SNTG2: variants seen among roughly 807,000 people sequenced by gnomAD.
SNTG2 encodes syntrophin gamma 2, also known as gamma-2-syntrophin.
SNTG2 carries 74 observed loss-of-function variants against 70.9 expected under a neutral mutation model. The observed-to-expected ratio is 1.04, with a 90% CI of 0.86 to 1.27. The LOEUF is 1.27. SNTG2 is among the 50% of genes most tolerant of loss of function. SNTG2 has a pLI of 0.00. For missense variants in SNTG2, 717 were observed against 690.7 expected (o/e 1.04, Z -0.43); for synonymous variants, 278 against 273.8 (o/e 1.02, Z -0.15).
rs762137698 is a variant in SNTG2 at position 1,237,960 on chromosome 2, T to G, written c.792T>G (p.Asp264Glu). The G allele has an allele frequency of 6.2e-7, 1 of 1,609,872 alleles. No homozygotes were observed. Among genetic ancestry groups the G allele is most frequent in the South Asian group, 1.1e-5 (1 of 89,622 alleles). ...TCCTCCGGTTTTACACAGCCCAGGA[T>G]GGCACCGACTGGCTGCGGGCGGTCT... is the stretch of plus-strand genomic sequence containing the variant. ...SGILRFYTAQDGTDWLRAVSA... is the reference protein window; with the variant it reads ...SGILRFYTAQEGTDWLRAVSA... The change falls in exon 10 of 17, where the codon GAT becomes GAG. Residue 264 changes from aspartate to glutamate, a missense_variant. Coordinates refer to ENST00000308624, the MANE Select transcript of SNTG2 (RefSeq NM_018968.4).
intron 8 of SNTG2, among the ~76,000 whole-genome samples, chr2:1,196,578 T>C (rs1354900147): frequency 6.6e-6 from 1 of 152,054 alleles, no homozygotes; most frequent in South Asian, 2.1e-4. Context: ...TATAGTATGG[T>C]CAAACTGTCA....
At chr2:1,286,117 T>C (rs1169447712) in intron 14 of SNTG2, among the ~76,000 whole-genome samples, 3 of 152,188 alleles carry the variant, frequency 2.0e-5, no homozygotes, top group Non-Finnish European at 4.4e-5. Flanking sequence ...GAATTGTCCT[T>C]GTGTTTCCTG....
intron 16 of SNTG2, among the ~76,000 whole-genome samples, chr2:1,355,834 T>C (rs1437222095): frequency 6.6e-6 from 1 of 152,226 alleles, no homozygotes; most frequent in Non-Finnish European, 1.5e-5. Flanking sequence ...CTCCACACCG[T>C]TGTCAACACG....
intron 1 of SNTG2, among the ~76,000 whole-genome samples, chr2:1,028,738 CTTT>C (rs71392557): frequency 6.7e-4 from 97 of 145,100 alleles, no homozygotes; most frequent in Non-Finnish European, 6.3e-4. Context: ...AGGCAACCTC[CTTT>C]TTTTTTTTTT....
chr2:1,064,215 A>C (rs997587338), intron 1 of SNTG2, among the ~76,000 whole-genome samples: 1 of 152,152 alleles, frequency 6.6e-6, no homozygotes, highest in African/African-American at 2.4e-5. Flanking sequence ...CGTGTATTAG[A>C]GATCCATTCA....
At chr2:1,366,670 C>T (rs967076251) in intron 16 of SNTG2, among the ~76,000 whole-genome samples, 1 of 152,188 alleles carries the variant, frequency 6.6e-6, no homozygotes, top group South Asian at 2.1e-4. Context: ...CCTCGCTTCC[C>T]GCCGTGCTGT....
At chr2:1,001,159 A>G (rs1659381877) in intron 1 of SNTG2, among the ~76,000 whole-genome samples, 2 of 152,068 alleles carry the variant, frequency 1.3e-5, no homozygotes, top group Non-Finnish European at 2.9e-5. Flanking sequence ...CACAGTCAAC[A>G]TCATACTGAA....
intron 8 of SNTG2, among the ~76,000 whole-genome samples, chr2:1,197,031 CAATG>C (rs1427821695): frequency 3.9e-5 from 6 of 151,918 alleles, no homozygotes; most frequent in Admixed American, 3.3e-4. Context: ...CAATGATAAA[CAATG>C]AGAGAGAAAG....
chr2:1,207,584 G>A (rs1673718986), intron 8 of SNTG2, among the ~76,000 whole-genome samples: 1 of 152,336 alleles, frequency 6.6e-6, no homozygotes, highest in African/African-American at 2.4e-5. Context: ...AGGTGGAGGA[G>A]AATGAGAAGG....
intron 1 of SNTG2, among the ~76,000 whole-genome samples, chr2:990,431 C>T (rs1308520721): frequency 6.6e-6 from 1 of 152,180 alleles, no homozygotes; most frequent in African/African-American, 2.4e-5. Flanking sequence ...TGATGAGGGC[C>T]TGCTTCTGGG....
At chr2:986,166 G>A (rs1035293061) in intron 1 of SNTG2, among the ~76,000 whole-genome samples, 3 of 151,058 alleles carry the variant, frequency 2.0e-5, no homozygotes, top group Admixed American at 6.6e-5. Context: ...GTCTTGCATG[G>A]GGGGCTGGGG....
intron 14 of SNTG2, among the ~76,000 whole-genome samples, chr2:1,305,012 T>C (rs2148241845): frequency 6.6e-6 from 1 of 152,286 alleles, no homozygotes; most frequent in East Asian, 1.9e-4. Flanking sequence ...AACTTTTTTT[T>C]TTTTCTTGAA....
chr2:1,069,134 C>T (rs956131575), intron 1 of SNTG2, among the ~76,000 whole-genome samples: 1 of 151,690 alleles, frequency 6.6e-6, no homozygotes, highest in Non-Finnish European at 1.5e-5. Context: ...GAGTCATAAA[C>T]AACAAGTCTA....
At chr2:1,263,024 C>T (rs372043283) in intron 13 of SNTG2, 3 of 152,282 alleles carry the variant, frequency 2.0e-5, no homozygotes, top group African/African-American at 4.8e-5. Flanking sequence ...ATTAATTTTC[C>T]TTTTGTAGAA....
intron 4 of SNTG2, chr2:1,102,428 G>A (rs1665837298): frequency 6.6e-6 from 1 of 152,396 alleles, no homozygotes; most frequent in African/African-American, 2.4e-5. Flanking sequence ...TTGTAGATAA[G>A]TGGCCAGAAG....
chr2:1,159,107 T>TGC (rs1670098004), intron 6 of SNTG2, among the ~76,000 whole-genome samples: 1 of 43,022 alleles, frequency 2.3e-5, no homozygotes. Flanking sequence ...TGCGTGTACC[T>TGC]GTGTGTTCGT....
intron 12 of SNTG2, among the ~76,000 whole-genome samples, chr2:1,249,756 T>G (rs905934662): frequency 2.0e-5 from 3 of 152,236 alleles, no homozygotes; most frequent in Admixed American, 6.5e-5. Flanking sequence ...GTATCTAAAT[T>G]TTAAGTTGTG....
intron 16 of SNTG2, among the ~76,000 whole-genome samples, chr2:1,351,705 G>A (rs1171999536): frequency 6.6e-6 from 1 of 152,130 alleles, no homozygotes; most frequent in African/African-American, 2.4e-5. Flanking sequence ...CTGCCATTCT[G>A]GGGGAAAAGC....
At chr2:1,015,878 C>T (rs1029214247) in intron 1 of SNTG2, among the ~76,000 whole-genome samples, 9 of 152,094 alleles carry the variant, frequency 5.9e-5, no homozygotes, top group African/African-American at 2.2e-4. Flanking sequence ...TGCTGCCCTG[C>T]AAGACAAAAG....
Sources: gnomAD v4.1 joint callset for allele counts (sites outside exome capture counted in the v4.1 genomes callset) on GRCh38, gnomAD v4.1.1 for gene constraint, MANE v1.5 for transcripts, NCBI Gene and HGNC (gene_info 2026-07-23, HGNC 2026-07-21) for gene names.